PRSS12: variants seen among roughly 807,000 people sequenced by gnomAD.
PRSS12 encodes the protein neurotrypsin.
PRSS12 carries 85 observed loss-of-function variants against 104.4 expected under a neutral mutation model. That is an observed-to-expected ratio of 0.81 (90% CI 0.68 to 0.98). PRSS12 has a LOEUF of 0.98. Among genes scored for constraint, PRSS12 ranks in the 50% least tolerant of loss-of-function variants. The probability of loss-of-function intolerance (pLI) is 0.00; values close to 1 mark genes in which losing one functional copy is unlikely to be tolerated. For missense variants in PRSS12, 1,141 were observed against 1,139.2 expected (o/e 1.00, Z -0.02); for synonymous variants, 454 against 425.2 (o/e 1.07, Z -0.83).
chr4:118,299,357 AT>A (rs1046327780), intron 8 of PRSS12, among the ~76,000 whole-genome samples: 8 of 152,144 alleles, frequency 5.3e-5, no homozygotes, highest in African/African-American at 1.9e-4. Flanking sequence ...GTAAGAACTA[AT>A]TTTTTTGCCT....
chr4:118,291,031 A>T (rs550821007), intron 11 of PRSS12, among the ~76,000 whole-genome samples: 22 of 152,010 alleles, frequency 1.4e-4, no homozygotes, highest in Admixed American at 1.4e-3. Flanking sequence ...TTTTAATATA[A>T]TGTCAAGCCC....
chr4:118,335,531 C>A lies in PRSS12; in HGVS notation c.762G>T (p.Trp254Cys), dbSNP rs933673574. Residue 254 changes from tryptophan (W) to cysteine (C), a missense_variant, in exon 3 of 13, where the codon TGG becomes TGT. Physicochemically the swap from Trp to Cys is radical, Grantham distance 215 (BLOSUM62 -2). Coordinates refer to ENST00000296498, the MANE Select transcript of PRSS12 (RefSeq NM_003619.4). ...TCTTCTGAGGACACACCCCACCCTG[C>A]CAGATGTCTTTTTCACAAAGCAGTA... ...ENILLCEKDI[W>C]QGGVCPQKMA... The A allele has an allele frequency of 6.2e-7, 1 of 1,614,014 alleles. No individual in the cohort carries two copies.
intron 6 of PRSS12, among the ~76,000 whole-genome samples, 200 bp downstream of exon 6, chr4:118,315,982 A>G (rs1206912249): frequency 6.6e-6 from 1 of 152,208 alleles, no homozygotes; most frequent in Non-Finnish European, 1.5e-5. Flanking sequence ...ATGGCAGGAA[A>G]GGTAAATGAA....
rs768370790 is a variant in PRSS12 at position 118,316,837 on chromosome 4, A to ATATATATATAT, written c.1151-515_1151-514insATATATATATA. On this transcript the variant is annotated intron_variant, in intron 5 of 12. Coordinates refer to ENST00000296498, the MANE Select transcript of PRSS12 (RefSeq NM_003619.4). Reference sequence around the variant, plus strand: ...ACTCCGTCTCACGGAAAAAAAAAAAAATATATATATATATATATATCTTTC... The same window carrying ATATATATATAT: ...ACTCCGTCTCACGGAAAAAAAAAAAATATATATATATATATATATATATATATATATCTTTC... Among the ~76,000 whole-genome samples the ATATATATATAT allele has an allele frequency of 1.9e-4, 19 of 99,188 alleles. No individual in the cohort carries two copies. In the South Asian group the frequency reaches 3.1e-3, roughly 16 times the overall value. The allele number at this position is 99,188 out of a possible 152,430, so 65.1% of individuals were successfully genotyped here.
chr4:118,281,880 TG>T lies in PRSS12; in HGVS notation c.*55del. 7 of 842,538 alleles carry T rather than the reference TG, an allele frequency of 8.3e-6. No homozygotes were observed. The highest frequency in any genetic ancestry group is 4.6e-4 in the Middle Eastern group (2 of 4,386). 52.2% of individuals were successfully genotyped at this position (842,538 alleles called of 1,614,324 possible). ...TGTCATCTCTGCTGAGTGCTAATAGTGGGGGTTCAAAGTTTTCCATTTGTTT... is the reference window on the plus strand; with the variant it reads ...TGTCATCTCTGCTGAGTGCTAATAGTGGGGTTCAAAGTTTTCCATTTGTTT... On this transcript the variant is annotated 3_prime_UTR_variant, in exon 13 of 13. Transcript: ENST00000296498.
intron 7 of PRSS12, 58 bp from the exon 8 acceptor site, chr4:118,308,635 A>G: frequency 2.0e-6 from 3 of 1,482,138 alleles, no homozygotes; most frequent in Non-Finnish European, 2.8e-6. Context: ...ATTCTAAAGC[A>G]TGAGCGACTC....
rs899726395 is a variant in PRSS12, at chr4:118,281,110, GGCACTCTTACATCATGGTC to G, written c.*807_*825del. ...CAGTTACAGGGAAGTGTCAGTGGGT[GGCACTCTTACATCATGGTC>G]GGGGAACGTGGACTATGATGAGGTG... On this transcript the variant is annotated 3_prime_UTR_variant, in exon 13 of 13. Transcript: ENST00000296498. The G allele has an allele frequency of 6.6e-6, 1 of 152,210 alleles. No individual in the cohort carries two copies. The highest frequency in any genetic ancestry group is 2.4e-5 in the African/African-American group (1 of 41,424). The allele number at this position is 152,210 out of a possible 1,614,324, so 9.4% of individuals were successfully genotyped here.
At chr4:118,330,393 A>C (rs112032182) in intron 4 of PRSS12, among the ~76,000 whole-genome samples, 388 of 152,300 alleles carry the variant, frequency 2.5e-3, no homozygotes, top group African/African-American at 9.0e-3. Context: ...AGAAGAGTAA[A>C]CTAAATGACA....
chr4:118,280,501 T>C lies in PRSS12; in HGVS notation c.*1435A>G, dbSNP rs1247361243. The C allele has an allele frequency of 6.6e-6, 1 of 152,182 alleles. No individual in the cohort carries two copies. The highest frequency in any genetic ancestry group is 1.5e-5 in the Non-Finnish European group (1 of 68,026). 9.4% of individuals were successfully genotyped at this position (152,182 alleles called of 1,614,324 possible). A position where few individuals can be genotyped will look rare whatever the true frequency, so the allele number is the denominator to read the frequency against. On this transcript the variant is annotated 3_prime_UTR_variant, in exon 13 of 13. Coordinates refer to ENST00000296498, the MANE Select transcript of PRSS12 (RefSeq NM_003619.4). ...AGGTTTGCACCAGTTATTACAGAAA[T>C]GGGGATTTGTGAAAAGGATGTAATT...
chr4:118,295,601 G>C (rs1578905841), intron 10 of PRSS12, among the ~76,000 whole-genome samples, 177 bp downstream of exon 10: 1 of 152,176 alleles, frequency 6.6e-6, no homozygotes. Flanking sequence ...TAAGAACATG[G>C]TGTATACCAA....
At position 118,294,998 on chromosome 4, in the gene PRSS12, G is replaced by A. The variant is rs1440026511; in HGVS notation, c.1980C>T (p.Leu660=). 6.2e-7 allele frequency: 1 copy of A among 1,614,156 alleles called. No homozygotes were observed. The highest frequency in any genetic ancestry group is 8.5e-7 in the Non-Finnish European group (1 of 1,180,038). The part of the protein sequence containing the change: ...LKSSHGDGRL[L]CGATLLSSCW... Reference sequence around the variant, plus strand: ...AGCTACTCAGGAGCGTAGCCCCGCAGAGGAGCCTGCCATCTCCATGGGATG... The same window carrying A: ...AGCTACTCAGGAGCGTAGCCCCGCAAAGGAGCCTGCCATCTCCATGGGATG... The change falls in exon 11 of 13, where the codon CTC becomes CTT. Residue 660 remains leucine, a synonymous_variant. Transcript: ENST00000296498.
chr4:118,293,071 C>T (rs1274292442), intron 11 of PRSS12, among the ~76,000 whole-genome samples: 1 of 151,244 alleles, frequency 6.6e-6, no homozygotes, highest in Non-Finnish European at 1.5e-5. Flanking sequence ...ATCTGCAGCA[C>T]CTTGAATGTG....
At chr4:118,349,889 GT>G (rs1406329049) in intron 1 of PRSS12, among the ~76,000 whole-genome samples, 2 of 152,112 alleles carry the variant, frequency 1.3e-5, no homozygotes, top group Admixed American at 6.5e-5. Context: ...TGTAATCCCA[GT>G]TACTCAAGAG....
rs183481436 is a variant in PRSS12 at position 118,335,074 on chromosome 4, A to G, written c.820+399T>C. On this transcript the variant is annotated intron_variant, in intron 3 of 12. Transcript: ENST00000296498. ...ATGCCATAATTATATTGCATTACAC[A>G]AAGTGAAAATATTTTGTTGTATTTG... Among the ~76,000 whole-genome samples, 170 of 152,298 alleles carry G rather than the reference A, an allele frequency of 1.1e-3. 1 individual carries two copies. The highest frequency in any genetic ancestry group is 3.9e-3 in the African/African-American group (164 of 41,572).
Position 118,330,864 on chromosome 4 carries a change from C to CA in PRSS12, c.971+851dup, listed in dbSNP as rs751407417. On this transcript the variant is annotated intron_variant, in intron 4 of 12. Transcript: ENST00000296498. ...GAGAGCCAATTATTTTTAAAAATTACAAAAAAATTGAACTGTAAAAATTGT... is the reference window on the plus strand; with the variant it reads ...GAGAGCCAATTATTTTTAAAAATTACAAAAAAAATTGAACTGTAAAAATTGT... 8.6e-5 allele frequency among the ~76,000 whole-genome samples: 13 copies of CA among 151,930 alleles called. No individual in the cohort carries two copies. In the East Asian group the frequency reaches 9.7e-4, roughly 11 times the overall value.
chr4:118,346,826 T>C (rs1178727136), intron 1 of PRSS12, among the ~76,000 whole-genome samples: 3 of 152,194 alleles, frequency 2.0e-5, no homozygotes, highest in Non-Finnish European at 1.5e-5. Context: ...CTAGGTTGCA[T>C]GCTCCTTATG....
intron 8 of PRSS12, among the ~76,000 whole-genome samples, chr4:118,306,704 T>C (rs559458908): frequency 6.6e-6 from 1 of 152,306 alleles, no homozygotes; most frequent in South Asian, 2.1e-4. Flanking sequence ...CATCTCAACA[T>C]GAGATTTGGG....
intron 4 of PRSS12, among the ~76,000 whole-genome samples, chr4:118,319,890 G>T (rs1034167187): frequency 6.6e-6 from 1 of 151,984 alleles, no homozygotes; most frequent in Non-Finnish European, 1.5e-5. Context: ...TGCCCAGCCT[G>T]GTCTTGAACT....
chr4:118,342,941 G>A (rs993045527), intron 1 of PRSS12, among the ~76,000 whole-genome samples: 7 of 152,084 alleles, frequency 4.6e-5, no homozygotes, highest in African/African-American at 1.4e-4. Flanking sequence ...GGACAACTTC[G>A]CTAGAAAACA....
Sources: allele counts gnomAD v4.1 joint callset (sites outside exome capture counted in the v4.1 genomes callset), GRCh38; gene constraint gnomAD v4.1.1; transcripts MANE v1.5; gene names NCBI Gene and HGNC (gene_info 2026-07-23, HGNC 2026-07-21).